The following SUPT3H variants were observed in gnomAD, a reference collection of about 807,000 sequenced individuals.
SUPT3H encodes transcription initiation protein SPT3 homolog.
SUPT3H carries 44 observed loss-of-function variants against 44.3 expected under a neutral mutation model. The observed-to-expected ratio is 0.99, with a 90% CI of 0.78 to 1.28. The LOEUF (loss-of-function observed/expected upper bound fraction) is 1.28. Ranked by LOEUF, SUPT3H falls within the 50% of genes most tolerant of loss-of-function variation. SUPT3H has a pLI of 0.00. For missense variants in SUPT3H, 380 were observed against 387.1 expected, an observed-to-expected ratio of 0.98 and a Z score of 0.15; for synonymous variants, 124 against 125.6, an observed-to-expected ratio of 0.99 and a Z score of 0.09.
chr6:45,283,408 A>G (rs1475769256), intron 2 of SUPT3H, among the ~76,000 whole-genome samples: 2 of 152,288 alleles, frequency 1.3e-5, no homozygotes, highest in African/African-American at 2.4e-5. Context: ...AAGCAAATGG[A>G]AAACAAAAAA....
intron 2 of SUPT3H, among the ~76,000 whole-genome samples, chr6:45,127,225 G>A (rs751592744): frequency 6.6e-6 from 1 of 152,040 alleles, no homozygotes; most frequent in Non-Finnish European, 1.5e-5. Flanking sequence ...GAGGCAGGAG[G>A]GTTGCTTGAA....
chr6:45,070,147 A>G (rs1028210145), intron 3 of SUPT3H, among the ~76,000 whole-genome samples: 2 of 152,140 alleles, frequency 1.3e-5, no homozygotes, highest in African/African-American at 2.4e-5. Flanking sequence ...TATGAATCCA[A>G]TGATATATCA....
At chr6:45,360,540 GCT>G (rs1358900910) in intron 2 of SUPT3H, among the ~76,000 whole-genome samples, 1 of 152,016 alleles carries the variant, frequency 6.6e-6, no homozygotes, top group Non-Finnish European at 1.5e-5. Context: ...ACATATCAGG[GCT>G]CTCTAAAGTC....
chr6:45,328,447 G>A (rs770369522), intron 2 of SUPT3H: 1 of 1,464,222 alleles, frequency 6.8e-7, no homozygotes, highest in South Asian at 1.1e-5. Context: ...CAGCCACCGA[G>A]ACCAACAGAG....
chr6:45,314,771 C>T (rs1158786588), intron 2 of SUPT3H, among the ~76,000 whole-genome samples: 1 of 151,940 alleles, frequency 6.6e-6, no homozygotes, highest in Non-Finnish European at 1.5e-5. Context: ...CCATTCTCCA[C>T]AGTTAGAAAA....
chr6:44,973,137 A>C (rs1777832094), intron 6 of SUPT3H, among the ~76,000 whole-genome samples: 1 of 152,200 alleles, frequency 6.6e-6, no homozygotes, highest in Admixed American at 6.5e-5. Context: ...TTTAAACATA[A>C]GTTCCAATTC....
chr6:45,292,888 G>A (rs1410918332), intron 2 of SUPT3H, among the ~76,000 whole-genome samples: 1 of 150,622 alleles, frequency 6.6e-6, no homozygotes, highest in African/African-American at 2.4e-5. Flanking sequence ...AATAATAGTG[G>A]GGGACTTCAA....
intron 10 of SUPT3H, among the ~76,000 whole-genome samples, chr6:44,894,647 A>G (rs1161059014): frequency 1.3e-5 from 2 of 152,116 alleles, no homozygotes; most frequent in Non-Finnish European, 2.9e-5. Context: ...GTTTGAAGTC[A>G]GGTAGCGTGA....
chr6:44,886,140 T>C (rs763895451), intron 10 of SUPT3H, among the ~76,000 whole-genome samples: 24 of 152,304 alleles, frequency 1.6e-4, no homozygotes, highest in Non-Finnish European at 2.2e-4. Flanking sequence ...CTGAGTCTGA[T>C]TGGTGTTCCT....
intron 2 of SUPT3H, among the ~76,000 whole-genome samples, chr6:45,232,055 C>A (rs1200626630): frequency 6.6e-6 from 1 of 152,058 alleles, no homozygotes; most frequent in African/African-American, 2.4e-5. Flanking sequence ...ATTTTACATT[C>A]TTTTTCCAGA....
intron 2 of SUPT3H, among the ~76,000 whole-genome samples, chr6:45,286,863 C>A (rs1357663688): frequency 6.6e-6 from 1 of 152,134 alleles, no homozygotes; most frequent in African/African-American, 2.4e-5. Context: ...CAATGATAGA[C>A]TGGATTAAGA....
intron 9 of SUPT3H, among the ~76,000 whole-genome samples, chr6:44,942,230 GT>G (rs1291797088): frequency 6.6e-6 from 1 of 152,114 alleles, no homozygotes; most frequent in Non-Finnish European, 1.5e-5. Flanking sequence ...TGTTACCATA[GT>G]TTTAGCTACT....
intron 2 of SUPT3H, among the ~76,000 whole-genome samples, chr6:45,117,682 A>C (rs1801036218): frequency 6.6e-6 from 1 of 152,104 alleles, no homozygotes; most frequent in Admixed American, 6.6e-5. Context: ...TCAGAATATG[A>C]ATAAAACTAT....
chr6:45,290,455 T>TTAAAAAA (rs67882992), intron 2 of SUPT3H, among the ~76,000 whole-genome samples: 9 of 85,940 alleles, frequency 1.0e-4, no homozygotes, highest in African/African-American at 4.5e-4. Context: ...GCATGGATGA[T>TTAAAAAA]CAAAAAAAAA....
chr6:44,998,447 T>G (rs1331301199), intron 6 of SUPT3H, among the ~76,000 whole-genome samples: 1 of 151,910 alleles, frequency 6.6e-6, no homozygotes, highest in East Asian at 1.9e-4. Context: ...TCACTGCTAA[T>G]TTTTAGTATT....
intron 10 of SUPT3H, among the ~76,000 whole-genome samples, chr6:44,854,701 A>G (rs1167250210): frequency 6.6e-6 from 1 of 152,170 alleles, no homozygotes. Flanking sequence ...GACCACAAAC[A>G]CATTAAAGTA....
At chr6:45,045,847 T>C (rs1324070937) in intron 3 of SUPT3H, among the ~76,000 whole-genome samples, 1 of 152,200 alleles carries the variant, frequency 6.6e-6, no homozygotes, top group African/African-American at 2.4e-5. Context: ...ATCACAAATA[T>C]TTTTTGCCTG....
rs1257547084 is a variant in SUPT3H at position 44,887,698 on chromosome 6, A to T, written c.912+44955T>A. ...TCCAAAATTGACACCCTAACATCACAATTAAAAGAACTAGAAAAGCAAGAG... is the reference window on the plus strand; with the variant it reads ...TCCAAAATTGACACCCTAACATCACTATTAAAAGAACTAGAAAAGCAAGAG... On this transcript the variant is annotated intron_variant, in intron 10 of 10. Coordinates refer to ENST00000371459, the MANE Select transcript of SUPT3H (RefSeq NM_003599.4). Among the ~76,000 whole-genome samples the T allele has an allele frequency of 4.6e-5, 7 of 151,626 alleles. 1 individual carries two copies. The East Asian group carries it at 1.4e-3, about 29-fold the overall frequency.
chr6:45,052,178 C>T (rs1486447268), intron 3 of SUPT3H, among the ~76,000 whole-genome samples: 1 of 151,946 alleles, frequency 6.6e-6, no homozygotes, highest in Non-Finnish European at 1.5e-5. Context: ...TGAAGAGAGT[C>T]GGTGATAGAA....
Sources: gnomAD v4.1 joint callset for allele counts (sites outside exome capture counted in the v4.1 genomes callset) on GRCh38, gnomAD v4.1.1 for gene constraint, MANE v1.5 for transcripts, NCBI Gene and HGNC (gene_info 2026-07-23, HGNC 2026-07-21) for gene names.